LZTR1: variants seen among roughly 807,000 people sequenced by gnomAD.
LZTR1 encodes the protein leucine zipper like post translational regulator 1.
In LZTR1, 260 loss-of-function variants were observed where a neutral mutation model predicts 105.7. The ratio of observed to expected loss-of-function variants is 2.46; its 90% CI spans 2.22 to 2.72. The LOEUF (loss-of-function observed/expected upper bound fraction) is 2.72. Ranked by LOEUF, LZTR1 falls within the 30% of genes most tolerant of loss-of-function variation. LZTR1 has a pLI of 0.00. For missense variants in LZTR1, 1,214 were observed against 1,166.9 expected (o/e 1.04, Z -0.59); for synonymous variants, 490 against 476.4 (o/e 1.03, Z -0.37).
Position 20,987,880 on chromosome 22 carries a change from G to A in LZTR1, c.401-130G>A, listed in dbSNP as rs178289. On this transcript the variant is annotated intron_variant, in intron 4 of 20. Coordinates refer to ENST00000646124, the MANE Select transcript of LZTR1 (RefSeq NM_006767.4). ...CACAGAGGCAGACAGGCAGCAGGTC[G>A]TTCCGGGGCTTGTGGAAGGAGTCCT... The A allele has an allele frequency of 3.6e-3, 2,374 of 666,826 alleles. 6 individuals carry two copies. Among genetic ancestry groups the A allele is most frequent in the Non-Finnish European group, 5.3e-3 (1,971 of 372,834 alleles). The allele number at this position is 666,826 out of a possible 1,614,324, so 41.3% of individuals were successfully genotyped here. A position where few individuals can be genotyped will look rare whatever the true frequency, so the allele number is the denominator to read the frequency against.
intron 18 of LZTR1, chr22:20,996,461 C>T (rs539964258): frequency 5.7e-5 from 34 of 594,396 alleles, no homozygotes; most frequent in African/African-American, 5.4e-4. Flanking sequence ...GCCTGTTAGG[C>T]CTGCAAGGCC....
intron 14 of LZTR1, 64 bp downstream of exon 14, chr22:20,994,333 G>T (rs1924731595): frequency 1.3e-6 from 2 of 1,538,596 alleles, no homozygotes; most frequent in Non-Finnish European, 1.8e-6. Flanking sequence ...AGAGCCAAAA[G>T]GTGGGTGCTG....
At chr22:20,995,661 G>A in intron 16 of LZTR1, 85 bp from the exon 17 acceptor site, 1 of 1,524,774 alleles carries the variant, frequency 6.6e-7, no homozygotes. Context: ...GCAGCAACAT[G>A]GGCAGATATG....
intron 3 of LZTR1, 102 bp downstream of exon 3, chr22:20,985,999 T>G (rs1403865290): frequency 3.2e-6 from 4 of 1,266,522 alleles, no homozygotes; most frequent in Non-Finnish European, 4.5e-6. Flanking sequence ...CATGGGAAGC[T>G]AGAAAGAAGC....
chr22:20,998,340 G>GC lies in LZTR1; in HGVS notation c.*996dup. On this transcript the variant is annotated 3_prime_UTR_variant, in exon 21 of 21. Coordinates refer to ENST00000646124, the MANE Select transcript of LZTR1 (RefSeq NM_006767.4). Reference sequence around the variant, plus strand: ...TCCTGGAGGCCTGGGGTGGGCTCCTGCCCCTTCTGCCCTGCCTTGCCCCTG... The same window carrying GC: ...TCCTGGAGGCCTGGGGTGGGCTCCTGCCCCCTTCTGCCCTGCCTTGCCCCTG... The GC allele has an allele frequency of 6.6e-6, 1 of 152,538 alleles. No homozygotes were observed. The highest frequency in any genetic ancestry group is 2.1e-4 in the South Asian group (1 of 4,828). 9.4% of individuals were successfully genotyped at this position (152,538 alleles called of 1,614,324 possible). A position where few individuals can be genotyped will look rare whatever the true frequency, so the allele number is the denominator to read the frequency against.
At position 20,997,396 on chromosome 22, in the gene LZTR1, C is replaced by G. The variant is rs768681084; in HGVS notation, c.*48C>G. ...GTGAAGAATCGCCGTGCCTGCCTGC[C>G]CTGCCTACTGAGAAGACTACCGGCT... On this transcript the variant is annotated 3_prime_UTR_variant, in exon 21 of 21. Coordinates refer to ENST00000646124, the MANE Select transcript of LZTR1 (RefSeq NM_006767.4). The G allele has an allele frequency of 2.2e-6, 3 of 1,379,636 alleles. No homozygotes were observed. In the East Asian group the frequency reaches 6.8e-5, roughly 31 times the overall value. The allele number at this position is 1,379,636 out of a possible 1,614,324, so 85.5% of individuals were successfully genotyped here. A position where few individuals can be genotyped will look rare whatever the true frequency, so the allele number is the denominator to read the frequency against.
intron 7 of LZTR1, 54 bp from the exon 8 acceptor site, chr22:20,990,332 G>A: frequency 6.2e-7 from 1 of 1,608,220 alleles, no homozygotes; most frequent in East Asian, 2.2e-5. Context: ...CGAGTGTGGT[G>A]AAATGTGAGC....
chr22:20,996,578 C>A, intron 18 of LZTR1, 118 bp from the exon 19 acceptor site: 1 of 753,508 alleles, frequency 1.3e-6, no homozygotes, highest in South Asian at 1.6e-5. Context: ...GTTCAGAATC[C>A]ATTTGGAGAG....
intron 19 of LZTR1, 29 bp from the exon 20 acceptor site, chr22:20,996,857 G>T: frequency 6.2e-7 from 1 of 1,612,360 alleles, no homozygotes; most frequent in Middle Eastern, 1.7e-4. Context: ...GGTGAAAGGG[G>T]CAGCGCCTCA....
chr22:20,992,655 G>C, intron 10 of LZTR1, 139 bp from the exon 11 acceptor site: 1 of 650,300 alleles, frequency 1.5e-6, no homozygotes, highest in South Asian at 1.9e-5. Context: ...CTGTACCCAG[G>C]GGCCCTCATC....
At position 20,995,497 on chromosome 22, in the gene LZTR1, G is replaced by C. The variant is rs554992928; in HGVS notation, c.1943-249G>C. On this transcript the variant is annotated intron_variant, in intron 16 of 20. Transcript: ENST00000646124. The stretch of plus-strand genomic sequence containing the variant: ...GCTTGATCATGAGGTCAGCGAGGGG[G>C]TACAGCAAGCTGGGTGGAAGATGAG... The C allele has an allele frequency of 3.2e-5, 22 of 684,916 alleles. No individual in the cohort carries two copies. The African/African-American group carries it at 3.9e-4, about 12-fold the overall frequency. 42.4% of individuals were successfully genotyped at this position (684,916 alleles called of 1,614,324 possible).
chr22:20,995,299 ATG>A (rs1924789916), intron 16 of LZTR1: 1 of 664,146 alleles, frequency 1.5e-6, no homozygotes, highest in East Asian at 3.1e-5. Context: ...TCGGGCTAGG[ATG>A]TCAGGTCTGA....
At chr22:20,985,962 C>T in intron 3 of LZTR1, 65 bp downstream of exon 3, 1 of 1,508,792 alleles carries the variant, frequency 6.6e-7, no homozygotes, top group Non-Finnish European at 9.2e-7. Flanking sequence ...AGTGCTGGGT[C>T]CCAGTTGCTA....
chr22:20,995,623 C>T, intron 16 of LZTR1, 123 bp from the exon 17 acceptor site: 3 of 1,253,076 alleles, frequency 2.4e-6, no homozygotes, highest in Non-Finnish European at 3.4e-6. Flanking sequence ...CGAGTGAGGC[C>T]TTCTGCCTGG....
In LZTR1 at chr22:20,992,298, A is replaced by T. The variant is rs751308379; in HGVS notation, c.1078A>T (p.Lys360Ter). ...LTYEERVGFK[K>*]SRDVFGLDFG... is the part of the protein sequence containing the mutation. ...CTATGAGGAGCGGGTTGGCTTCAAG[A>T]AGTCCCGAGATGTGTTTGGCCTGGA... is the stretch of plus-strand genomic sequence containing the variant. The change falls in exon 10 of 21, where the codon AAG (lysine) becomes TAG (stop). Residue 360 changes from lysine (K) to a stop codon, truncating the protein, a stop_gained. Coordinates refer to ENST00000646124, the MANE Select transcript of LZTR1 (RefSeq NM_006767.4). LOFTEE classifies it high-confidence loss of function. 1 of 1,613,880 alleles carries T rather than the reference A, an allele frequency of 6.2e-7. No individual in the cohort carries two copies. The highest frequency in any genetic ancestry group is 1.1e-5 in the South Asian group (1 of 91,068).
rs1924868328 is a variant in LZTR1, at chr22:20,996,760, C to T, written c.2284C>T (p.Gln762Ter). ...YNNRLQAYCK[Q>*]NLEMNVTVQN... ...CAACCGGCTGCAGGCGTACTGCAAGCAGAACCTGGAGATGAACGTGACGGT... is the reference window on the plus strand; with the variant it reads ...CAACCGGCTGCAGGCGTACTGCAAGTAGAACCTGGAGATGAACGTGACGGT... Residue 762 changes from glutamine (Q) to a stop codon, truncating the protein, a stop_gained, in exon 19 of 21, where the codon CAG (glutamine) becomes TAG (stop). Transcript: ENST00000646124. LOFTEE classifies it high-confidence loss of function. The T allele has an allele frequency of 5.0e-6, 8 of 1,613,624 alleles. No individual in the cohort carries two copies. Among genetic ancestry groups the T allele is most frequent in the South Asian group, 2.2e-5 (2 of 91,080 alleles).
chr22:20,992,774 C>CCTTGTCCCCCAG lies in LZTR1; in HGVS notation c.1150-18_1150-17insTGTCCCCCAGCT. 2.0e-6 allele frequency: 3 copies of CCTTGTCCCCCAG among 1,495,416 alleles called. No individual in the cohort carries two copies. Among genetic ancestry groups the CCTTGTCCCCCAG allele is most frequent in the Non-Finnish European group, 2.8e-6 (3 of 1,089,872 alleles). 92.6% of individuals were successfully genotyped at this position (1,495,416 alleles called of 1,614,324 possible). ...AGGCTCTGCTCCCCCACCATTCCAC[C>CCTTGTCCCCCAG]CTGCCTTCTTGTCCCCCAGCTGCCC... is the stretch of plus-strand genomic sequence containing the variant. On this transcript the variant is annotated intron_variant, in intron 10 of 20. Transcript: ENST00000646124.
intron 8 of LZTR1, 153 bp from the exon 9 acceptor site, chr22:20,991,475 C>T (rs1924601985): frequency 4.7e-6 from 3 of 634,892 alleles, no homozygotes; most frequent in African/African-American, 1.8e-5. Flanking sequence ...GTGAGAGGTG[C>T]TCAGCGCAGG....
rs1428643392 is a variant in LZTR1, at chr22:20,998,669, G to C, written c.*1321G>C. The stretch of plus-strand genomic sequence containing the variant: ...GATGAGCTGGGAACAAGGGAGGAGA[G>C]AGCAGGAGCTGGGGCAGAGGCTGAG... On this transcript the variant is annotated 3_prime_UTR_variant, in exon 21 of 21. Transcript: ENST00000646124. 6.5e-6 allele frequency: 1 copy of C among 153,082 alleles called. No individual in the cohort carries two copies. The highest frequency in any genetic ancestry group is 2.4e-5 in the African/African-American group (1 of 41,484). The allele number at this position is 153,082 out of a possible 1,614,324, so 9.5% of individuals were successfully genotyped here.
Sources: allele counts gnomAD v4.1 joint callset, GRCh38; gene constraint gnomAD v4.1.1; transcripts MANE v1.5; gene names NCBI Gene and HGNC (gene_info 2026-07-23, HGNC 2026-07-21).